The following KCNMA1 variants were observed in gnomAD, a reference collection of about 807,000 sequenced individuals.
KCNMA1 encodes the protein potassium calcium-activated channel subfamily M alpha 1.
In KCNMA1, 29 loss-of-function variants were observed where a neutral mutation model predicts 140.0. That is an observed-to-expected ratio of 0.21 (90% CI 0.15 to 0.28). The LOEUF (loss-of-function observed/expected upper bound fraction) is 0.28. Among genes scored for constraint, KCNMA1 ranks in the 10% least tolerant of loss-of-function variants. The probability of loss-of-function intolerance (pLI) is 1.00; values close to 1 mark genes in which losing one functional copy is unlikely to be tolerated. For missense variants in KCNMA1, 880 were observed against 1,602.2 expected, an observed-to-expected ratio of 0.55 and a Z score of 7.70; for synonymous variants, 612 against 611.9, an observed-to-expected ratio of 1.00 and a Z score of 0.00.
At chr10:77,298,787 C>T (rs1601709769) in intron 2 of KCNMA1, among the ~76,000 whole-genome samples, 1 of 152,112 alleles carries the variant, frequency 6.6e-6, no homozygotes. Flanking sequence ...TTCCAGTGCC[C>T]GCCAGAGTGA....
At chr10:76,943,873 GT>G (rs1020574267) in intron 23 of KCNMA1, among the ~76,000 whole-genome samples, 6 of 152,146 alleles carry the variant, frequency 3.9e-5, no homozygotes, top group Non-Finnish European at 8.8e-5. Context: ...TATCAATAAG[GT>G]GATGCTTCAT....
chr10:77,343,001 C>A (rs1244696418), intron 2 of KCNMA1, among the ~76,000 whole-genome samples: 1 of 152,130 alleles, frequency 6.6e-6, no homozygotes, highest in African/African-American at 2.4e-5. Flanking sequence ...CCTTCTGGCC[C>A]CATCCAGAAT....
chr10:76,872,613 A>C (rs2031568957), downstream of KCNMA1: 1 of 152,150 alleles, frequency 6.6e-6, no homozygotes, highest in South Asian at 2.1e-4. Context: ...CAAAATAGTC[A>C]ATCTATTGAA....
At chr10:77,361,629 C>T (rs984124121) in intron 2 of KCNMA1, among the ~76,000 whole-genome samples, 2 of 152,238 alleles carry the variant, frequency 1.3e-5, no homozygotes, top group Admixed American at 6.5e-5. Context: ...CTCCCACTGC[C>T]GAGTCACTGC....
intron 18 of KCNMA1, among the ~76,000 whole-genome samples, chr10:77,006,229 A>G (rs879604558): frequency 3.3e-5 from 5 of 152,190 alleles, no homozygotes; most frequent in East Asian, 3.9e-4. Context: ...GAGTTTTCCA[A>G]CTGCTGGGGA....
intron 1 of KCNMA1, among the ~76,000 whole-genome samples, chr10:77,429,843 T>C (rs1470841701): frequency 2.6e-5 from 4 of 152,098 alleles, no homozygotes; most frequent in Non-Finnish European, 5.9e-5. Flanking sequence ...ACCCAACCTT[T>C]CCATTGAACA....
At chr10:77,346,018 A>T (rs898554958) in intron 2 of KCNMA1, among the ~76,000 whole-genome samples, 1 of 152,182 alleles carries the variant, frequency 6.6e-6, no homozygotes, top group African/African-American at 2.4e-5. Flanking sequence ...TCCCTTCCTG[A>T]AAGAGATGCT....
At position 77,624,115 on chromosome 10, in the gene KCNMA1, T is replaced by C. The variant is rs568681576; in HGVS notation, c.378+13150A>G. On this transcript the variant is annotated intron_variant, in intron 1 of 27. Transcript: ENST00000286628. Reference sequence around the variant, plus strand: ...TTATCCCTGCTTTCGGCAGCTGGAATGCTCCGTGGAACAGGGCTGAGATGA... The same window carrying C: ...TTATCCCTGCTTTCGGCAGCTGGAACGCTCCGTGGAACAGGGCTGAGATGA... Among the ~76,000 whole-genome samples, 13 of 152,320 alleles carry C rather than the reference T, an allele frequency of 8.5e-5. No individual in the cohort carries two copies. In the South Asian group the frequency reaches 2.1e-3, roughly 24 times the overall value.
chr10:76,964,807 C>T (rs2073229279), intron 20 of KCNMA1, among the ~76,000 whole-genome samples: 1 of 152,250 alleles, frequency 6.6e-6, no homozygotes, highest in Admixed American at 6.5e-5. Flanking sequence ...ACTTAATGAC[C>T]AGGAGATGCC....
At chr10:77,211,672 A>G (rs536029191) in intron 3 of KCNMA1, among the ~76,000 whole-genome samples, 58 of 152,296 alleles carry the variant, frequency 3.8e-4, no homozygotes, top group African/African-American at 1.3e-3. Context: ...AAGACAACCT[A>G]TAGAATGGGA....
In KCNMA1 at chr10:76,887,001, A is replaced by G. The variant is rs1424725669; in HGVS notation, c.*265T>C. On this transcript the variant is annotated 3_prime_UTR_variant, in exon 28 of 28. Transcript: ENST00000286628. ...AACTCGTTCCTGCAGTGAGCTATTT[A>G]TGTCTGGAGCATGCCTTTGGGTTAT... The G allele has an allele frequency of 7.7e-7, 1 of 1,299,770 alleles. No homozygotes were observed. Among genetic ancestry groups the G allele is most frequent in the African/African-American group, 1.5e-5 (1 of 66,368 alleles). The allele number at this position is 1,299,770 out of a possible 1,614,324, so 80.5% of individuals were successfully genotyped here.
At chr10:77,121,187 A>G in intron 5 of KCNMA1, 139 bp from the exon 6 acceptor site, 1 of 684,552 alleles carries the variant, frequency 1.5e-6, no homozygotes, top group East Asian at 2.7e-5. Flanking sequence ...GGTACCTCAG[A>G]CATATTCCTT....
intron 20 of KCNMA1, among the ~76,000 whole-genome samples, chr10:76,966,487 G>A (rs2073968449): frequency 6.6e-6 from 1 of 152,090 alleles, no homozygotes; most frequent in African/African-American, 2.4e-5. Context: ...AGACTTCCTA[G>A]AGAGTTTTCA....
At position 77,070,605 on chromosome 10, in the gene KCNMA1, G is replaced by C. The variant is rs75825487; in HGVS notation, c.1749+2492C>G. Among the ~76,000 whole-genome samples, 996 of 152,252 alleles carry C rather than the reference G, an allele frequency of 6.5e-3. 5 individuals are homozygous for C. The highest frequency in any genetic ancestry group is 0.012 in the East Asian group (62 of 5,166). Reference sequence around the variant, plus strand: ...AAATATTGATGAATTCTCCGTCATAGGATACGGAGGTCATTGGAGAAGGAA... The same window carrying C: ...AAATATTGATGAATTCTCCGTCATACGATACGGAGGTCATTGGAGAAGGAA... On this transcript the variant is annotated intron_variant, in intron 14 of 27. Transcript: ENST00000286628.
chr10:76,916,594 G>A lies in KCNMA1; in HGVS notation c.2903-1545C>T, dbSNP rs1036979170. Among the ~76,000 whole-genome samples the A allele has an allele frequency of 6.6e-5, 10 of 152,112 alleles. No individual in the cohort carries two copies. The South Asian group carries it at 8.3e-4, about 13-fold the overall frequency. On this transcript the variant is annotated intron_variant, in intron 23 of 27. Transcript: ENST00000286628. ...TCGGTTTCTCCTTTTTTCCTTCAGCGGAATGCTACATGGGCTTACCAATGA... is the reference window on the plus strand; with the variant it reads ...TCGGTTTCTCCTTTTTTCCTTCAGCAGAATGCTACATGGGCTTACCAATGA...
chr10:77,422,646 G>A (rs1298712716), intron 1 of KCNMA1, among the ~76,000 whole-genome samples: 2 of 152,228 alleles, frequency 1.3e-5, no homozygotes, highest in Non-Finnish European at 2.9e-5. Flanking sequence ...GGTCTTTGCA[G>A]ATGTAATCAA....
At chr10:77,117,392 T>C (rs889520365) in intron 6 of KCNMA1, among the ~76,000 whole-genome samples, 3 of 150,668 alleles carry the variant, frequency 2.0e-5, no homozygotes, top group Non-Finnish European at 4.4e-5. Flanking sequence ...CTACTAAAAA[T>C]ACAAAAAGTA....
chr10:77,127,632 A>C (rs1443211767), intron 5 of KCNMA1, among the ~76,000 whole-genome samples: 1 of 124,350 alleles, frequency 8.0e-6, no homozygotes, highest in African/African-American at 3.3e-5. Context: ...GAGAGAAGGC[A>C]GGAAGGCAGG....
At chr10:77,146,775 G>A (rs1290164169) in intron 5 of KCNMA1, among the ~76,000 whole-genome samples, 1 of 124,286 alleles carries the variant, frequency 8.0e-6, no homozygotes, top group African/African-American at 2.7e-5. Flanking sequence ...TGCCTCTCAG[G>A]GGCTGTGACA....
Sources: gnomAD v4.1 joint callset for allele counts (sites outside exome capture counted in the v4.1 genomes callset) on GRCh38, gnomAD v4.1.1 for gene constraint, MANE v1.5 for transcripts, NCBI Gene and HGNC (gene_info 2026-07-23, HGNC 2026-07-21) for gene names.